RUFY3: variants seen among roughly 807,000 people sequenced by gnomAD.
The protein encoded by RUFY3 is RUN and FYVE domain containing 3.
Under a neutral mutation model 84.0 loss-of-function variants are expected in RUFY3, and 34 were observed. The ratio of observed to expected loss-of-function variants is 0.40; its 90% CI spans 0.31 to 0.54. The LOEUF (loss-of-function observed/expected upper bound fraction) is 0.54, where lower values mean the gene tolerates loss of function less well. Ranked by LOEUF, RUFY3 falls within the 20% of genes least tolerant of loss-of-function variation. The pLI is 0.39. For missense variants in RUFY3, 507 were observed against 736.8 expected, an observed-to-expected ratio of 0.69 and a Z score of 3.61; for synonymous variants, 242 against 252.9, an observed-to-expected ratio of 0.96 and a Z score of 0.41.
At chr4:70,801,689 T>C (rs1233730419) in intron 15 of RUFY3, among the ~76,000 whole-genome samples, 1 of 152,170 alleles carries the variant, frequency 6.6e-6, no homozygotes, top group Non-Finnish European at 1.5e-5. Context: ...CACAGTCCAA[T>C]AGTAAGCTAA....
rs1733001747 is a variant in RUFY3, at chr4:70,807,953, G to A, written c.*1294G>A. Among the ~76,000 whole-genome samples the A allele has an allele frequency of 6.6e-6, 1 of 152,226 alleles. No individual in the cohort carries two copies. The highest frequency in any genetic ancestry group is 1.9e-4 in the East Asian group (1 of 5,186). On this transcript the variant is annotated 3_prime_UTR_variant, in exon 18 of 18. Transcript: ENST00000381006. ...CAGTCATCCCTTGGTATCCATGGGGGATTGGTTCCAGGAACCCAACTTGAT... is the reference window on the plus strand; with the variant it reads ...CAGTCATCCCTTGGTATCCATGGGGAATTGGTTCCAGGAACCCAACTTGAT...
At chr4:70,798,448 A>G (rs554805533) in intron 14 of RUFY3, among the ~76,000 whole-genome samples, 1 of 152,272 alleles carries the variant, frequency 6.6e-6, no homozygotes, top group South Asian at 2.1e-4. Context: ...AGTCGAAGGC[A>G]AGCAGCAGTG....
intron 4 of RUFY3, among the ~76,000 whole-genome samples, chr4:70,766,177 T>G (rs565788996): frequency 6.6e-6 from 1 of 152,340 alleles, no homozygotes; most frequent in South Asian, 2.1e-4. Context: ...ACAAATTGAT[T>G]GCAGTGTTGT....
chr4:70,753,253 C>T (rs529290973), intron 1 of RUFY3, among the ~76,000 whole-genome samples: 2 of 152,236 alleles, frequency 1.3e-5, no homozygotes, highest in South Asian at 2.1e-4. Flanking sequence ...CTTTCATTCC[C>T]GATTTTAGTA....
chr4:70,705,073 C>A, exon 1 of RUFY3: 1 of 1,295,172 alleles, frequency 7.7e-7, no homozygotes, highest in Non-Finnish European at 9.7e-7. Flanking sequence ...GAGGCGGGGC[C>A]GCCGCCGGCC....
intron 4 of RUFY3, among the ~76,000 whole-genome samples, chr4:70,766,575 T>A (rs1230815949): frequency 6.6e-6 from 1 of 152,186 alleles, no homozygotes; most frequent in Non-Finnish European, 1.5e-5. Context: ...TCTAAAAGAC[T>A]ATTTTTTAGA....
chr4:70,791,110 T>A, intron 12 of RUFY3: 1 of 813,030 alleles, frequency 1.2e-6, no homozygotes, highest in Admixed American at 3.0e-5. Context: ...AGAAAGAGAA[T>A]AATGACTTAT....
intron 1 of RUFY3, among the ~76,000 whole-genome samples, chr4:70,730,030 G>T (rs1053486230): frequency 3.4e-5 from 5 of 148,718 alleles, no homozygotes; most frequent in African/African-American, 7.4e-5. Flanking sequence ...TGCCTCCCCA[G>T]TTCAAGCGAT....
intron 8 of RUFY3, among the ~76,000 whole-genome samples, chr4:70,781,604 A>AC (rs1252543824): frequency 1.3e-5 from 2 of 152,254 alleles, no homozygotes; most frequent in African/African-American, 2.4e-5. Context: ...TTTTGGAATG[A>AC]CCTGCCTGAG....
At chr4:70,792,798 A>G (rs1731021133) in intron 12 of RUFY3, 21 of 985,276 alleles carry the variant, frequency 2.1e-5, no homozygotes, top group Non-Finnish European at 2.4e-5. Flanking sequence ...TCCAAAGAAC[A>G]TATGTTTAGA....
chr4:70,738,168 T>G (rs1191242268), intron 1 of RUFY3, among the ~76,000 whole-genome samples: 4 of 151,084 alleles, frequency 2.6e-5, no homozygotes, highest in African/African-American at 9.7e-5. Flanking sequence ...TTTGTATTTT[T>G]GGCAGAGACA....
intron 12 of RUFY3, chr4:70,793,148 T>C: frequency 1.0e-6 from 1 of 985,894 alleles, no homozygotes; most frequent in Non-Finnish European, 1.2e-6. Flanking sequence ...ACAGGCCCAG[T>C]GCTGAGTTCT....
intron 1 of RUFY3, among the ~76,000 whole-genome samples, chr4:70,760,993 G>A (rs1318697593): frequency 1.3e-5 from 2 of 152,174 alleles, no homozygotes; most frequent in Non-Finnish European, 2.9e-5. Context: ...TAAAAACCTT[G>A]TATGAAGAAA....
At chr4:70,793,756 T>C (rs1408194948) in intron 12 of RUFY3, 29 bp from the exon 13 acceptor site, 1 of 1,613,736 alleles carries the variant, frequency 6.2e-7, no homozygotes, top group African/African-American at 1.3e-5. Flanking sequence ...TTTTGTTTTT[T>C]ATCACAAGTT....
At chr4:70,736,152 C>CAA (rs1020403164) in intron 1 of RUFY3, among the ~76,000 whole-genome samples, 13 of 60,862 alleles carry the variant, frequency 2.1e-4, no homozygotes, top group African/African-American at 3.1e-4. Context: ...GACCCTGTCT[C>CAA]AAAAAAAAAA....
In RUFY3 at chr4:70,722,520, T is replaced by C; in HGVS notation, c.-54T>C. On this transcript the variant is annotated 5_prime_UTR_variant, in exon 1 of 18. Transcript: ENST00000381006. ...AGGTTGTATTTATTTTTTTGGTGTGTGTGTGTGAGTGTGTGTGTGTCTGTG... is the reference window on the plus strand; with the variant it reads ...AGGTTGTATTTATTTTTTTGGTGTGCGTGTGTGAGTGTGTGTGTGTCTGTG... The C allele has an allele frequency of 6.5e-7, 1 of 1,528,652 alleles. No individual in the cohort carries two copies. Among genetic ancestry groups the C allele is most frequent in the South Asian group, 1.3e-5 (1 of 78,342 alleles). The allele number at this position is 1,528,652 out of a possible 1,614,324, so 94.7% of individuals were successfully genotyped here. A position where few individuals can be genotyped will look rare whatever the true frequency, so the allele number is the denominator to read the frequency against.
chr4:70,733,144 G>GGGAGGGAGGA (rs1560464157), intron 1 of RUFY3, among the ~76,000 whole-genome samples: 1 of 139,494 alleles, frequency 7.2e-6, no homozygotes, highest in African/African-American at 3.1e-5. Flanking sequence ...GAGGGAGAGA[G>GGGAGGGAGGA]AGAGAGAGAG....
chr4:70,778,173 G>T (rs942070724), intron 7 of RUFY3, among the ~76,000 whole-genome samples, 196 bp from the exon 8 acceptor site: 1 of 152,166 alleles, frequency 6.6e-6, no homozygotes, highest in Admixed American at 6.5e-5. Context: ...GGCAGAGGTT[G>T]CAGGGAGCCG....
chr4:70,779,745 G>A (rs1360799049), intron 8 of RUFY3, among the ~76,000 whole-genome samples: 1 of 151,822 alleles, frequency 6.6e-6, no homozygotes, highest in African/African-American at 2.4e-5. Context: ...ACCACACCTG[G>A]CTATTTTTAG....
Sources: gnomAD v4.1 joint callset for allele counts (sites outside exome capture counted in the v4.1 genomes callset) on GRCh38, gnomAD v4.1.1 for gene constraint, MANE v1.5 for transcripts, NCBI Gene and HGNC (gene_info 2026-07-23, HGNC 2026-07-21) for gene names.